The following CDH13 variants were observed in gnomAD, a reference collection of about 807,000 sequenced individuals.
The protein encoded by CDH13 is cadherin 13, also known as cadherin-13.
A neutral mutation model predicts 63.8 loss-of-function variants in CDH13; 24 were observed. The observed-to-expected ratio is 0.38, with a 90% confidence interval of 0.27 to 0.53. The LOEUF (loss-of-function observed/expected upper bound fraction) is 0.53. CDH13 is among the 20% of genes least tolerant of loss of function. The probability of loss-of-function intolerance (pLI) is 0.85; values close to 1 mark genes in which losing one functional copy is unlikely to be tolerated. For synonymous variants in CDH13, 503 were observed against 355.3 expected (o/e 1.42, Z -4.67); for missense variants, 1,049 against 903.1 (o/e 1.16, Z -2.07).
At chr16:83,000,151 A>G (rs1010885262) in intron 2 of CDH13, among the ~76,000 whole-genome samples, 1 of 145,452 alleles carries the variant, frequency 6.9e-6, no homozygotes, top group African/African-American at 2.6e-5. Flanking sequence ...AGTAAATGTC[A>G]GTCATTTTTA....
intron 4 of CDH13, among the ~76,000 whole-genome samples, chr16:83,160,869 G>T (rs67491333): frequency 2.1e-4 from 32 of 152,036 alleles, no homozygotes; most frequent in African/African-American, 7.3e-4. Context: ...TTCCACACAA[G>T]TGTTTGTCTG....
At chr16:83,094,886 C>T (rs931722073) in intron 3 of CDH13, among the ~76,000 whole-genome samples, 3 of 152,092 alleles carry the variant, frequency 2.0e-5, no homozygotes, top group Admixed American at 6.5e-5. Context: ...TAAGTGAGAC[C>T]TCAATCACAA....
At chr16:83,382,285 C>T (rs2091582462) in intron 6 of CDH13, among the ~76,000 whole-genome samples, 1 of 152,190 alleles carries the variant, frequency 6.6e-6, no homozygotes, top group Admixed American at 6.5e-5. Flanking sequence ...ATCTGCATCT[C>T]CACCATTTCC....
At chr16:82,742,198 G>C (rs1008513995) in intron 1 of CDH13, among the ~76,000 whole-genome samples, 1 of 152,038 alleles carries the variant, frequency 6.6e-6, no homozygotes, top group Non-Finnish European at 1.5e-5. Context: ...TAAAATATAA[G>C]GGCTATTGTT....
At position 82,643,897 on chromosome 16, in the gene CDH13, C is replaced by T. The variant is rs190969406; in HGVS notation, c.45+16760C>T. 1.3e-3 allele frequency among the ~76,000 whole-genome samples: 187 copies of T among 144,684 alleles called. 1 individual carries two copies. Among genetic ancestry groups the T allele is most frequent in the African/African-American group, 4.6e-3 (180 of 39,504 alleles). The allele number at this position is 144,684 out of a possible 152,430, so 94.9% of individuals were successfully genotyped here. On this transcript the variant is annotated intron_variant, in intron 1 of 13. Coordinates refer to ENST00000567109, the MANE Select transcript of CDH13 (RefSeq NM_001257.5). ...AGCTAAGTGGGACTACAGGTGTGGA[C>T]CACCAGGCCCAGTTAATTAAAAAAA...
At chr16:83,757,494 C>T (rs578208213) in intron 11 of CDH13, among the ~76,000 whole-genome samples, 36 of 152,298 alleles carry the variant, frequency 2.4e-4, no homozygotes, top group Non-Finnish European at 4.7e-4. Context: ...AGGACAATCG[C>T]TTGAACCCAG....
chr16:83,388,447 T>C (rs1007698555), intron 6 of CDH13, among the ~76,000 whole-genome samples: 2 of 152,074 alleles, frequency 1.3e-5, no homozygotes, highest in African/African-American at 2.4e-5. Flanking sequence ...TAAGATCCTG[T>C]CTCAAAAAAA....
intron 11 of CDH13, among the ~76,000 whole-genome samples, chr16:83,775,774 A>G (rs992757641): frequency 7.2e-5 from 11 of 152,102 alleles, no homozygotes; most frequent in African/African-American, 2.7e-4. Flanking sequence ...GAAAATTCAT[A>G]AAGGAGGGAC....
intron 5 of CDH13, among the ~76,000 whole-genome samples, chr16:83,260,292 A>T (rs1286993141): frequency 6.6e-6 from 1 of 152,222 alleles, no homozygotes; most frequent in Non-Finnish European, 1.5e-5. Flanking sequence ...CTGGTTTAAA[A>T]AATGCTGATG....
chr16:83,472,519 C>T (rs1033653635), intron 6 of CDH13, among the ~76,000 whole-genome samples: 4 of 152,156 alleles, frequency 2.6e-5, no homozygotes, highest in Non-Finnish European at 4.4e-5. Flanking sequence ...AGGGCACCGC[C>T]GCTCAGGGGC....
chr16:83,187,335 G>A (rs1356547368), intron 4 of CDH13, among the ~76,000 whole-genome samples: 1 of 152,128 alleles, frequency 6.6e-6, no homozygotes, highest in Non-Finnish European at 1.5e-5. Flanking sequence ...TGCATTATTA[G>A]AGCACCTTCA....
At chr16:83,127,220 C>T (rs2035849655) in intron 4 of CDH13, among the ~76,000 whole-genome samples, 1 of 152,162 alleles carries the variant, frequency 6.6e-6, no homozygotes, top group Non-Finnish European at 1.5e-5. Flanking sequence ...TCAGAGAGGC[C>T]AGCCTGCCCT....
chr16:83,722,528 A>G (rs1403695444), intron 10 of CDH13, among the ~76,000 whole-genome samples: 3 of 152,220 alleles, frequency 2.0e-5, no homozygotes, highest in African/African-American at 7.2e-5. Flanking sequence ...TATTAATTCA[A>G]GCTTTCCCCA....
intron 2 of CDH13, among the ~76,000 whole-genome samples, chr16:82,941,559 A>T (rs907836095): frequency 6.6e-6 from 1 of 152,148 alleles, no homozygotes; most frequent in East Asian, 1.9e-4. Flanking sequence ...CATTGTGTGG[A>T]TAGCACACTT....
chr16:83,116,899 G>C (rs906940401), intron 3 of CDH13, among the ~76,000 whole-genome samples: 1 of 152,204 alleles, frequency 6.6e-6, no homozygotes, highest in African/African-American at 2.4e-5. Flanking sequence ...GAGCCTGAGT[G>C]TTCACTGCAG....
chr16:83,334,664 C>G (rs1008598300), intron 5 of CDH13, among the ~76,000 whole-genome samples: 1 of 152,124 alleles, frequency 6.6e-6, no homozygotes, highest in East Asian at 1.9e-4. Flanking sequence ...GCATGAGCCA[C>G]CATACCTGGC....
chr16:83,009,345 T>C (rs1438651128), intron 2 of CDH13, among the ~76,000 whole-genome samples: 4 of 152,246 alleles, frequency 2.6e-5, no homozygotes, highest in Admixed American at 2.0e-4. Flanking sequence ...TTGTTTAGAT[T>C]ATGATATTTA....
At chr16:83,677,358 G>A (rs574438932) in intron 9 of CDH13, among the ~76,000 whole-genome samples, 43 of 152,272 alleles carry the variant, frequency 2.8e-4, no homozygotes, top group African/African-American at 9.4e-4. Flanking sequence ...CCTCATCAAC[G>A]CTGCCCATTG....
At chr16:83,761,191 A>G (rs1389865561) in intron 11 of CDH13, among the ~76,000 whole-genome samples, 1 of 152,236 alleles carries the variant, frequency 6.6e-6, no homozygotes, top group Admixed American at 6.5e-5. Flanking sequence ...TCTGAGGTTA[A>G]CAGAAATAAA....
Sources: gnomAD v4.1 joint callset for allele counts (sites outside exome capture counted in the v4.1 genomes callset) on GRCh38, gnomAD v4.1.1 for gene constraint, MANE v1.5 for transcripts, NCBI Gene and HGNC (gene_info 2026-07-23, HGNC 2026-07-21) for gene names.